The following MORC3 variants were observed in gnomAD, a reference collection of about 807,000 sequenced individuals.
The protein encoded by MORC3 is MORC family CW-type zinc finger protein 3.
In MORC3, 31 loss-of-function variants were observed where a neutral mutation model predicts 109.1. The ratio of observed to expected loss-of-function variants is 0.28; its 90% confidence interval spans 0.21 to 0.38. MORC3 has a LOEUF of 0.38. Among genes scored for constraint, MORC3 ranks in the 10% least tolerant of loss-of-function variants. The pLI, the probability that MORC3 is intolerant of heterozygous loss-of-function variation, is 1.00. For missense variants in MORC3, 867 were observed against 1,135.8 expected (o/e 0.76, Z 3.40); for synonymous variants, 395 against 380.7 (o/e 1.04, Z -0.44).
chr21:36,350,171 G>T (rs2085554569), intron 9 of MORC3, among the ~76,000 whole-genome samples: 1 of 152,082 alleles, frequency 6.6e-6, no homozygotes, highest in Non-Finnish European at 1.5e-5. Flanking sequence ...GCAAGGTGTG[G>T]TGGCATGTGT....
intron 6 of MORC3, 108 bp from the exon 7 acceptor site, chr21:36,344,471 G>A (rs138222205): frequency 7.9e-7 from 1 of 1,272,340 alleles, no homozygotes; most frequent in African/African-American, 1.5e-5. Context: ...TTATTGAAGA[G>A]TTAATTGATC....
At chr21:36,361,059 T>C (rs9978830) in intron 12 of MORC3, among the ~76,000 whole-genome samples, 108,670 of 149,358 alleles carry the variant, frequency 0.73, 40,294 homozygotes, top group East Asian at 1. Flanking sequence ...GCAACAAGAG[T>C]GAGACTCTAT....
chr21:36,354,317 TTC>T (rs1490851815), intron 9 of MORC3, among the ~76,000 whole-genome samples: 1 of 106,154 alleles, frequency 9.4e-6, no homozygotes, highest in Non-Finnish European at 1.9e-5. Context: ...CTTTCTTTCT[TTC>T]TTTCTTTTTT....
chr21:36,366,154 A>G (rs2085779020), intron 14 of MORC3, among the ~76,000 whole-genome samples: 1 of 152,110 alleles, frequency 6.6e-6, no homozygotes, highest in African/African-American at 2.4e-5. Context: ...ATAGTACCCA[A>G]TATGTAGTTT....
chr21:36,369,274 A>T lies in MORC3; in HGVS notation c.1906A>T (p.Asn636Tyr). 6.2e-7 allele frequency: 1 copy of T among 1,614,202 alleles called. No homozygotes were observed. The highest frequency in any genetic ancestry group is 2.2e-5 in the East Asian group (1 of 44,890). Reference protein sequence around the residue: ...STSSSRCDQGNTAATQTEVPS... With the variant: ...STSSSRCDQGYTAATQTEVPS... The stretch of plus-strand genomic sequence containing the variant: ...CTCATCATCCCGATGCGACCAGGGA[A>T]ATACTGCAGCTACCCAGACTGAAGT... The change falls in exon 15 of 17, where the codon AAT becomes TAT. Residue 636 changes from asparagine (N) to tyrosine (Y), a missense_variant. Asn to Tyr is a moderately radical substitution (Grantham distance 143). This residue lies in a region of MORC3 where 486 missense variants were observed against 502.1 expected (regional missense o/e 0.97). Transcript: ENST00000400485.
intron 13 of MORC3, among the ~76,000 whole-genome samples, chr21:36,363,026 C>T (rs930519731): frequency 2.2e-4 from 33 of 152,130 alleles, no homozygotes; most frequent in Admixed American, 9.2e-4. Flanking sequence ...TCTGCCTGGC[C>T]TCTCTCTTCT....
At chr21:36,343,509 C>T (rs1178344529) in intron 6 of MORC3, among the ~76,000 whole-genome samples, 5 of 146,142 alleles carry the variant, frequency 3.4e-5, no homozygotes, top group South Asian at 2.1e-4. Context: ...AGTGCAGTGG[C>T]GTGATCTCGG....
chr21:36,356,857 G>A (rs912835593), intron 10 of MORC3, 133 bp downstream of exon 10: 3 of 505,602 alleles, frequency 5.9e-6, no homozygotes, highest in East Asian at 3.5e-5. Context: ...ATGAATTAGC[G>A]CACTGCAAAA....
At chr21:36,351,569 G>A (rs767564206) in intron 9 of MORC3, among the ~76,000 whole-genome samples, 3 of 151,556 alleles carry the variant, frequency 2.0e-5, no homozygotes, top group African/African-American at 4.9e-5. Flanking sequence ...TTAATGTAAT[G>A]TCCTCCAGGT....
intron 10 of MORC3, among the ~76,000 whole-genome samples, chr21:36,358,888 C>A (rs2085679386): frequency 6.6e-6 from 1 of 152,132 alleles, no homozygotes; most frequent in South Asian, 2.1e-4. Context: ...ACCGTGTTAG[C>A]CAGGGTAGTC....
intron 2 of MORC3, among the ~76,000 whole-genome samples, chr21:36,335,608 GC>G (rs2146297277): frequency 6.6e-6 from 1 of 152,214 alleles, no homozygotes; most frequent in Admixed American, 6.5e-5. Context: ...GAGCCGCTGC[GC>G]CCAGCCCTAT....
intron 1 of MORC3, 159 bp downstream of exon 1, chr21:36,320,462 G>T: frequency 1.6e-6 from 1 of 615,678 alleles, no homozygotes; most frequent in Admixed American, 4.6e-5. Flanking sequence ...TCCCGTCGGC[G>T]GAACAGCTCG....
At chr21:36,347,821 A>G (rs1251390033) in intron 8 of MORC3, 1 of 152,252 alleles carries the variant, frequency 6.6e-6, no homozygotes, top group East Asian at 1.9e-4. Flanking sequence ...GTATGACATC[A>G]TAAAGGGAGT....
intron 1 of MORC3, among the ~76,000 whole-genome samples, chr21:36,325,063 A>G (rs1024002938): frequency 5.9e-5 from 9 of 152,178 alleles, no homozygotes; most frequent in African/African-American, 2.2e-4. Context: ...ATTTTCATAC[A>G]TGAATAGAGC....
intron 14 of MORC3, among the ~76,000 whole-genome samples, chr21:36,368,493 A>G (rs1569109023): frequency 6.6e-6 from 1 of 152,216 alleles, no homozygotes; most frequent in Non-Finnish European, 1.5e-5. Context: ...CATCTGTAAA[A>G]AGAGAAAATA....
chr21:36,331,241 CA>C (rs747276811), intron 1 of MORC3, among the ~76,000 whole-genome samples: 1 of 151,948 alleles, frequency 6.6e-6, no homozygotes, highest in African/African-American at 2.4e-5. Flanking sequence ...TCAGAATGAA[CA>C]AAAAAATTGC....
chr21:36,327,864 C>T (rs2085266146), intron 1 of MORC3, among the ~76,000 whole-genome samples: 1 of 151,436 alleles, frequency 6.6e-6, no homozygotes, highest in South Asian at 2.1e-4. Context: ...TAGTCCAAAA[C>T]AGTGGCCTCC....
At chr21:36,373,756 T>C (rs1436478478) in intron 16 of MORC3, among the ~76,000 whole-genome samples, 1 of 152,234 alleles carries the variant, frequency 6.6e-6, no homozygotes, top group Non-Finnish European at 1.5e-5. Flanking sequence ...AAGAACATCT[T>C]GATCCCTTCA....
chr21:36,343,479 CACTCT>C (rs2085474553), intron 6 of MORC3, among the ~76,000 whole-genome samples: 1 of 141,606 alleles, frequency 7.1e-6, no homozygotes, highest in African/African-American at 2.7e-5. Flanking sequence ...GACAGAGTCT[CACTCT>C]GTTGCCTAGG....
Sources: allele counts gnomAD v4.1 joint callset (sites outside exome capture counted in the v4.1 genomes callset), GRCh38; gene constraint gnomAD v4.1.1; regional missense constraint gnomAD v4.1.1; transcripts MANE v1.5; gene names NCBI Gene and HGNC (gene_info 2026-07-23, HGNC 2026-07-21).